Variants in DERA observed in about 807,000 individuals in gnomAD.
The protein encoded by DERA is deoxyribose-phosphate aldolase.
DERA carries 15 observed loss-of-function variants against 41.1 expected under a neutral mutation model. The ratio of observed to expected loss-of-function variants is 0.37; its 90% CI spans 0.24 to 0.56. The LOEUF (loss-of-function observed/expected upper bound fraction) is 0.56, where lower values mean the gene tolerates loss of function less well. DERA is among the 20% of genes least tolerant of loss of function. The pLI is 0.81. For synonymous variants in DERA, 139 were observed against 137.4 expected (o/e 1.01, Z -0.08); for missense variants, 396 against 403.4 (o/e 0.98, Z 0.16).
chr12:16,033,581 T>TTGTGTGTGTTTG (rs1949107726), intron 7 of DERA, among the ~76,000 whole-genome samples: 1 of 127,662 alleles, frequency 7.8e-6, no homozygotes, highest in Non-Finnish European at 1.6e-5. Context: ...GAGAGCAAGG[T>TTGTGTGTGTTTG]TGTGTGTGTG....
At position 15,985,038 on chromosome 12, in the gene DERA, T is replaced by C. The variant is rs986053050; in HGVS notation, c.637+2602T>C. ...TAAAATTCAGGTGTTAGATAGACAG[T>C]GTGATGAGTTTGGCAGTTTGCAAAC... On this transcript the variant is annotated intron_variant, in intron 6 of 8. Transcript: ENST00000428559. The surrounding 1 kb of genome is among the most constrained non-coding windows in gnomAD (Gnocchi z 4.2). 1 of 152,224 alleles carries C rather than the reference T, an allele frequency of 6.6e-6. No individual in the cohort carries two copies. Among genetic ancestry groups the C allele is most frequent in the Non-Finnish European group, 1.5e-5 (1 of 68,034 alleles). The allele number at this position is 152,224 out of a possible 1,614,324, so 9.4% of individuals were successfully genotyped here. A position where few individuals can be genotyped will look rare whatever the true frequency, so the allele number is the denominator to read the frequency against.
In DERA at chr12:15,962,760, T is replaced by C. The variant is rs559906975; in HGVS notation, c.374-53T>C. On this transcript the variant is annotated intron_variant, in intron 4 of 8. Transcript: ENST00000428559. ...GTTTTCCCCTCCCCCCCTTGCTTAC[T>C]TTCTTTCTTCCCTCCTTCCCTCTTT... 2.0e-6 allele frequency: 3 copies of C among 1,477,810 alleles called. No homozygotes were observed. In the South Asian group the frequency reaches 3.9e-5, roughly 19 times the overall value. 91.5% of individuals were successfully genotyped at this position (1,477,810 alleles called of 1,614,324 possible).
intron 6 of DERA, among the ~76,000 whole-genome samples, chr12:15,986,238 ATATTTAAAATG>A (rs1487894015): frequency 2.6e-5 from 4 of 152,234 alleles, no homozygotes; most frequent in Admixed American, 2.6e-4. Context: ...CTGTGGCTAT[ATATTTAAAATG>A]TATCTCTTGT....
chr12:16,028,567 A>G (rs894102091), intron 6 of DERA, among the ~76,000 whole-genome samples: 9 of 152,200 alleles, frequency 5.9e-5, no homozygotes, highest in Non-Finnish European at 1.0e-4. Context: ...AGAGTACAGT[A>G]TGAAAAATGG....
chr12:15,955,224 G>A (rs1666506022), intron 1 of DERA, among the ~76,000 whole-genome samples: 1 of 151,926 alleles, frequency 6.6e-6, no homozygotes, highest in African/African-American at 2.4e-5. Context: ...GTTTGAACCC[G>A]GGAGGTGGAG....
At position 15,948,761 on chromosome 12, in the gene DERA, C is replaced by T. The variant is rs140041687; in HGVS notation, c.32-8175C>T. ...TGGCGAGAAGCTGCGTTCCTTTGGACGGGGAGAGGCACTCTGATTTTTAGA... is the reference window on the plus strand; with the variant it reads ...TGGCGAGAAGCTGCGTTCCTTTGGATGGGGAGAGGCACTCTGATTTTTAGA... On this transcript the variant is annotated intron_variant, in intron 1 of 8. Coordinates refer to ENST00000428559, the MANE Select transcript of DERA (RefSeq NM_015954.4). Among the ~76,000 whole-genome samples, 117 of 152,286 alleles carry T rather than the reference C, an allele frequency of 7.7e-4. No homozygotes were observed. The East Asian group carries it at 0.01, about 14-fold the overall frequency.
At position 15,915,024 on chromosome 12, in the gene DERA, A is replaced by G. The variant is rs149775136; in HGVS notation, c.31+3610A>G. Among the ~76,000 whole-genome samples, 5 of 152,230 alleles carry G rather than the reference A, an allele frequency of 3.3e-5. No homozygotes were observed. The East Asian group carries it at 9.7e-4, about 29-fold the overall frequency. On this transcript the variant is annotated intron_variant, in intron 1 of 8. Transcript: ENST00000428559. This position sits in a 1 kb window ranked among gnomAD's most constrained non-coding sequence, Gnocchi z 4.8. Reference sequence around the variant, plus strand: ...TTTTTTTATTTTAAGAAGCACATTTATTTAGGTAGTTATTGAGTACCAATC... The same window carrying G: ...TTTTTTTATTTTAAGAAGCACATTTGTTTAGGTAGTTATTGAGTACCAATC...
At position 16,015,923 on chromosome 12, in the gene DERA, G is replaced by A. The variant is rs559468895; in HGVS notation, c.638-16619G>A. Among the ~76,000 whole-genome samples, 6 of 152,220 alleles carry A rather than the reference G, an allele frequency of 3.9e-5. No individual in the cohort carries two copies. In the South Asian group the frequency reaches 1.2e-3, roughly 32 times the overall value. On this transcript the variant is annotated intron_variant, in intron 6 of 8. Transcript: ENST00000428559. Reference sequence around the variant, plus strand: ...TTTCTCCCTCATGAACTCACTTGCTGTGTTCCTTTTTTTAAATTGAGATAT... The same window carrying A: ...TTTCTCCCTCATGAACTCACTTGCTATGTTCCTTTTTTTAAATTGAGATAT...
At chr12:16,032,983 G>T in intron 7 of DERA, 1 of 251,088 alleles carries the variant, frequency 4.0e-6, no homozygotes, top group Non-Finnish European at 7.7e-6. Flanking sequence ...GCAACACAGA[G>T]GCTTTCTCAC....
chr12:15,982,368 T>C lies in DERA; in HGVS notation c.569T>C (p.Ile190Thr). Residue 190 changes from isoleucine to threonine, a missense_variant, in exon 6 of 9, where the codon ATA becomes ACA. Physicochemically the swap from Ile to Thr is moderately conservative, Grantham distance 89 (BLOSUM62 -1). Transcript: ENST00000428559. The surrounding 1 kb of genome is among the most constrained non-coding windows in gnomAD (Gnocchi z 4.0). ...KACGEAHLKT[I>T]LATGELGTLT... ...TGTGGGGAGGCTCATCTTAAAACTA[T>C]ATTAGCGACAGGAGAACTTGGAACT... The C allele has an allele frequency of 4.3e-6, 7 of 1,613,918 alleles. No individual in the cohort carries two copies. The highest frequency in any genetic ancestry group is 1.6e-4 in the Middle Eastern group (1 of 6,062).
In DERA at chr12:15,981,353, CCAAAAAA is replaced by C. The variant is rs1261583712; in HGVS notation, c.509-940_509-934del. On this transcript the variant is annotated intron_variant, in intron 5 of 8. Coordinates refer to ENST00000428559, the MANE Select transcript of DERA (RefSeq NM_015954.4). The surrounding 1 kb of genome is among the most constrained non-coding windows in gnomAD (Gnocchi z 6.1). ...ACAGAGCAAGACTCCATCTCAAAAA[CCAAAAAA>C]CAAAAAACAAAAAAACCTACTTCCT... Among the ~76,000 whole-genome samples, 8 of 151,598 alleles carry C rather than the reference CCAAAAAA, an allele frequency of 5.3e-5. No individual in the cohort carries two copies. Among genetic ancestry groups the C allele is most frequent in the Admixed American group, 1.3e-4 (2 of 15,228 alleles).
chr12:16,031,159 T>G (rs766027604), intron 6 of DERA, among the ~76,000 whole-genome samples: 8 of 152,272 alleles, frequency 5.3e-5, no homozygotes, highest in African/African-American at 9.6e-5. Flanking sequence ...CAAAGGTAAC[T>G]ATCAGAGCCA....
chr12:15,958,394 T>C, intron 3 of DERA, 59 bp downstream of exon 3: 1 of 1,380,896 alleles, frequency 7.2e-7, no homozygotes, highest in South Asian at 1.7e-5. Context: ...GATTACTAAA[T>C]CAAAGACGAC....
chr12:16,032,710 C>T (rs1792744304), intron 7 of DERA, 56 bp downstream of exon 7: 1 of 1,041,354 alleles, frequency 9.6e-7, no homozygotes, highest in African/African-American at 1.6e-5. Context: ...ATTTATAATA[C>T]TAGTTACAGC....
At position 15,967,458 on chromosome 12, in the gene DERA, T is replaced by C. The variant is rs910613360; in HGVS notation, c.508+4511T>C. ...CAAACAAACAAAAACTATTAAAAAG[T>C]GTTTTCATTTCCCTGACTTTCTTAA... On this transcript the variant is annotated intron_variant, in intron 5 of 8. Transcript: ENST00000428559. The surrounding 1 kb of genome is among the most constrained non-coding windows in gnomAD (Gnocchi z 4.9). Among the ~76,000 whole-genome samples, 2 of 152,120 alleles carry C rather than the reference T, an allele frequency of 1.3e-5. No homozygotes were observed. The highest frequency in any genetic ancestry group is 4.8e-5 in the African/African-American group (2 of 41,428).
intron 6 of DERA, among the ~76,000 whole-genome samples, chr12:16,025,101 A>C (rs1165686660): frequency 6.6e-6 from 1 of 152,168 alleles, no homozygotes; most frequent in African/African-American, 2.4e-5. Flanking sequence ...AAAATGGAAT[A>C]ATATAAAATG....
Position 16,014,214 on chromosome 12 carries a change from A to T in DERA, c.638-18328A>T, listed in dbSNP as rs189828060. Reference sequence around the variant, plus strand: ...CAAGCCAGATGCAGAAATTTGCATAAGTAACGAGGAGCCAAATGTTAATCA... The same window carrying T: ...CAAGCCAGATGCAGAAATTTGCATATGTAACGAGGAGCCAAATGTTAATCA... On this transcript the variant is annotated intron_variant, in intron 6 of 8. Coordinates refer to ENST00000428559, the MANE Select transcript of DERA (RefSeq NM_015954.4). This position sits in a 1 kb window ranked among gnomAD's most constrained non-coding sequence, Gnocchi z 5.4. Among the ~76,000 whole-genome samples, 13 of 152,330 alleles carry T rather than the reference A, an allele frequency of 8.5e-5. No individual in the cohort carries two copies. In the East Asian group the frequency reaches 2.3e-3, roughly 27 times the overall value.
chr12:16,005,622 G>T (rs1360652713), intron 6 of DERA, among the ~76,000 whole-genome samples: 1 of 152,136 alleles, frequency 6.6e-6, no homozygotes, highest in Non-Finnish European at 1.5e-5. Context: ...GGGGAATGCT[G>T]CATGAATATA....
At chr12:15,952,653 A>G (rs558963284) in intron 1 of DERA, among the ~76,000 whole-genome samples, 36 of 152,354 alleles carry the variant, frequency 2.4e-4, no homozygotes, top group Middle Eastern at 3.4e-3. Context: ...GATATTTTAC[A>G]CCCTTCTTTT....
Sources: gnomAD v4.1 joint callset for allele counts (sites outside exome capture counted in the v4.1 genomes callset) on GRCh38, gnomAD v4.1.1 for gene constraint, Gnocchi (gnomAD v3.1) non-coding constraint, MANE v1.5 for transcripts, NCBI Gene and HGNC (gene_info 2026-07-23, HGNC 2026-07-21) for gene names.